The following ANK3 variants were observed in gnomAD, a reference collection of about 807,000 sequenced individuals.
ANK3 encodes the protein ankyrin-3.
In ANK3, 57 loss-of-function variants were observed where a neutral mutation model predicts 370.9. The ratio of observed to expected loss-of-function variants is 0.15; its 90% confidence interval spans 0.12 to 0.19. The LOEUF (loss-of-function observed/expected upper bound fraction) is 0.19, where lower values mean the gene tolerates loss of function less well. Among genes scored for constraint, ANK3 ranks in the 10% least tolerant of loss-of-function variants. The pLI, the probability that ANK3 is intolerant of heterozygous loss-of-function variation, is 1.00. For missense variants in ANK3, 4,439 were observed against 5,302.1 expected (o/e 0.84, Z 5.06); for synonymous variants, 1,929 against 1,946.3 (o/e 0.99, Z 0.23).
intron 2 of ANK3, among the ~76,000 whole-genome samples, chr10:60,576,397 T>A (rs1232801385): frequency 6.6e-6 from 1 of 152,198 alleles, no homozygotes; most frequent in East Asian, 1.9e-4. Context: ...TAGCTTGCCA[T>A]AGGAGAAATA....
intron 2 of ANK3, among the ~76,000 whole-genome samples, chr10:60,417,300 G>A (rs2063689111): frequency 6.6e-6 from 1 of 152,140 alleles, no homozygotes; most frequent in Non-Finnish European, 1.5e-5. Flanking sequence ...TTGAGAAACA[G>A]CAACTTGACG....
At chr10:60,175,471 A>G (rs1160498972) in intron 18 of ANK3, among the ~76,000 whole-genome samples, 2 of 152,248 alleles carry the variant, frequency 1.3e-5, no homozygotes, top group Non-Finnish European at 2.9e-5. Context: ...AAACAAATAA[A>G]GAGCCATAGC....
intron 1 of ANK3, among the ~76,000 whole-genome samples, chr10:60,309,927 T>TC (rs2045984798): frequency 6.7e-6 from 1 of 149,662 alleles, no homozygotes; most frequent in African/African-American, 2.5e-5. Context: ...TTTTTCTTTT[T>TC]TTTTTTTTTT....
At chr10:60,357,364 C>G (rs2057922707) in intron 1 of ANK3, among the ~76,000 whole-genome samples, 1 of 152,188 alleles carries the variant, frequency 6.6e-6, no homozygotes, top group Non-Finnish European at 1.5e-5. Flanking sequence ...CCATTCCATA[C>G]AGACCTTCAT....
At chr10:60,501,902 C>T (rs1394889917) in intron 2 of ANK3, among the ~76,000 whole-genome samples, 1 of 152,066 alleles carries the variant, frequency 6.6e-6, no homozygotes, top group Non-Finnish European at 1.5e-5. Context: ...AGGAGCATCG[C>T]TTCAGCCCGG....
At chr10:60,580,573 G>T (rs1309300450) in intron 2 of ANK3, among the ~76,000 whole-genome samples, 8 of 152,124 alleles carry the variant, frequency 5.3e-5, no homozygotes, top group Non-Finnish European at 1.5e-5. Flanking sequence ...TATCCTCTGG[G>T]ATTATTCACT....
intron 18 of ANK3, among the ~76,000 whole-genome samples, chr10:60,179,338 G>A (rs371008437): frequency 3.3e-5 from 5 of 152,168 alleles, no homozygotes; most frequent in Admixed American, 1.3e-4. Flanking sequence ...GAAGTGAGAC[G>A]CTCTGCTCCG....
At chr10:60,617,691 T>G (rs1041671325) in intron 1 of ANK3, among the ~76,000 whole-genome samples, 5 of 152,214 alleles carry the variant, frequency 3.3e-5, no homozygotes, top group African/African-American at 1.2e-4. Flanking sequence ...ATAAACTTTA[T>G]AGAGCACACA....
At chr10:60,501,911 G>A (rs983688886) in intron 2 of ANK3, among the ~76,000 whole-genome samples, 11 of 151,970 alleles carry the variant, frequency 7.2e-5, no homozygotes, top group African/African-American at 1.7e-4. Flanking sequence ...GCTTCAGCCC[G>A]GGAGTTTGAG....
rs573215938 is a variant in ANK3 at position 60,082,145 on chromosome 10, A to G, written c.4350+5T>C. The G allele has an allele frequency of 1.9e-6, 3 of 1,609,144 alleles. No homozygotes were observed. Among genetic ancestry groups the G allele is most frequent in the East Asian group, 4.5e-5 (2 of 44,764 alleles). ...ATAGAATAAAAGCAGAAGTGTTTATATTACCTCATCATCTTGATCTGACTC... is the reference window on the plus strand; with the variant it reads ...ATAGAATAAAAGCAGAAGTGTTTATGTTACCTCATCATCTTGATCTGACTC... On this transcript the variant is annotated splice_donor_5th_base_variant and intron_variant, in intron 35 of 43. Transcript: ENST00000280772.
At chr10:60,320,439 C>CA (rs1593671124) in intron 1 of ANK3, among the ~76,000 whole-genome samples, 1 of 152,082 alleles carries the variant, frequency 6.6e-6, no homozygotes, top group Non-Finnish European at 1.5e-5. Flanking sequence ...ACTAAAAATA[C>CA]AAAAAATTAG....
intron 2 of ANK3, among the ~76,000 whole-genome samples, chr10:60,395,805 G>A (rs1198674557): frequency 6.6e-6 from 1 of 152,014 alleles, no homozygotes; most frequent in Non-Finnish European, 1.5e-5. Context: ...CTTGGTCCTT[G>A]CCCTCAAGTT....
intron 2 of ANK3, among the ~76,000 whole-genome samples, chr10:60,553,453 T>C (rs897606116): frequency 2.0e-5 from 3 of 151,720 alleles, no homozygotes; most frequent in African/African-American, 7.2e-5. Flanking sequence ...ATTCATAATA[T>C]ATTTTTAATA....
At chr10:60,078,330 G>A (rs1006783958) in intron 36 of ANK3, among the ~76,000 whole-genome samples, 7 of 152,040 alleles carry the variant, frequency 4.6e-5, no homozygotes, top group Admixed American at 6.6e-5. Flanking sequence ...GGAAAAACTC[G>A]CCTATTCATT....
chr10:60,090,122 G>C (rs988444035), intron 28 of ANK3, among the ~76,000 whole-genome samples: 2 of 152,088 alleles, frequency 1.3e-5, no homozygotes, highest in African/African-American at 4.8e-5. Flanking sequence ...TTCAAGACCA[G>C]CCGGGCCAAC....
intron 1 of ANK3, among the ~76,000 whole-genome samples, chr10:60,331,562 C>G (rs1593923567): frequency 7.1e-6 from 1 of 140,650 alleles, no homozygotes; most frequent in South Asian, 2.4e-4. Flanking sequence ...GAAGTTAAAA[C>G]AGCCTAATTA....
intron 41 of ANK3, among the ~76,000 whole-genome samples, chr10:60,058,689 T>C (rs2079700766): frequency 6.6e-6 from 1 of 152,240 alleles, no homozygotes; most frequent in African/African-American, 2.4e-5. Context: ...TGAGCATATT[T>C]ATGTTTGCAG....
chr10:60,140,640 T>A (rs1327561311), intron 23 of ANK3: 6 of 1,389,734 alleles, frequency 4.3e-6, no homozygotes, highest in Non-Finnish European at 5.6e-6. Context: ...GAGGTTAAGA[T>A]CCTTTTGACC....
intron 42 of ANK3, among the ~76,000 whole-genome samples, chr10:60,049,307 G>A (rs552242500): frequency 1.3e-5 from 2 of 152,300 alleles, no homozygotes; most frequent in Non-Finnish European, 2.9e-5. Flanking sequence ...GAAGTAATGG[G>A]TCTGGGCGCA....
Sources: allele counts gnomAD v4.1 joint callset (sites outside exome capture counted in the v4.1 genomes callset), GRCh38; gene constraint gnomAD v4.1.1; transcripts MANE v1.5; gene names NCBI Gene and HGNC (gene_info 2026-07-23, HGNC 2026-07-21).